Variants in NOL4L observed in about 807,000 individuals in gnomAD.
The protein encoded by NOL4L is nucleolar protein 4-like.
In NOL4L, 7 loss-of-function variants were observed where a neutral mutation model predicts 64.5. That is an observed-to-expected ratio of 0.11 (90% CI 0.06 to 0.20). The LOEUF is 0.20. Ranked by LOEUF, NOL4L falls within the 10% of genes least tolerant of loss-of-function variation. NOL4L has a pLI of 1.00. For synonymous variants in NOL4L, 413 were observed against 401.0 expected, an observed-to-expected ratio of 1.03 and a Z score of -0.36; for missense variants, 680 against 967.1, an observed-to-expected ratio of 0.70 and a Z score of 3.94.
At chr20:32,488,752 TTCCTTCCTTCCTTCCTTCCTTCC>T in intron 4 of NOL4L, among the ~76,000 whole-genome samples, 3 of 44,170 alleles carry the variant, frequency 6.8e-5, no homozygotes, top group African/African-American at 4.7e-4. Context: ...TTTCTTTTCC[TTCCTTCCTTCCTTCCTTCCTTCC>T]TTCCTTCCTT....
chr20:32,530,466 G>A (rs1014599621), intron 1 of NOL4L, among the ~76,000 whole-genome samples: 2 of 152,028 alleles, frequency 1.3e-5, no homozygotes, highest in Non-Finnish European at 2.9e-5. Context: ...GTGTGAACCC[G>A]GGAGGCAGAG....
At chr20:32,555,741 G>A (rs1353209261) in intron 1 of NOL4L, among the ~76,000 whole-genome samples, 1 of 152,116 alleles carries the variant, frequency 6.6e-6, no homozygotes, top group East Asian at 1.9e-4. Flanking sequence ...GGAGAGAAGT[G>A]ACTGTCCACA....
intron 6 of NOL4L, among the ~76,000 whole-genome samples, chr20:32,454,705 C>A (rs567457863): frequency 6.6e-6 from 1 of 152,234 alleles, no homozygotes; most frequent in African/African-American, 2.4e-5. Context: ...TCGTTCAGAT[C>A]GTGACTGACA....
intron 4 of NOL4L, among the ~76,000 whole-genome samples, chr20:32,502,841 C>G (rs1004201701): frequency 6.6e-6 from 1 of 152,062 alleles, no homozygotes; most frequent in African/African-American, 2.4e-5. Flanking sequence ...AACTTGAGAG[C>G]AGAGGTTGCA....
chr20:32,574,592 G>C (rs1979970743), intron 1 of NOL4L, among the ~76,000 whole-genome samples: 1 of 152,118 alleles, frequency 6.6e-6, no homozygotes, highest in Non-Finnish European at 1.5e-5. Flanking sequence ...GTCAGGGCCT[G>C]GCCTGCTGAA....
rs577505921 is a variant in NOL4L, at chr20:32,573,444, C to T, written c.321+11126G>A. ...CCAGTCTGAGCTCCAGAGACCCACT[C>T]GGTGGCACTGCTTCACCTGGCTTCA... On this transcript the variant is annotated intron_variant, in intron 1 of 10. Transcript: ENST00000621426. Among the ~76,000 whole-genome samples the T allele has an allele frequency of 3.3e-5, 5 of 152,198 alleles. No homozygotes were observed. In the South Asian group the frequency reaches 6.2e-4, roughly 19 times the overall value.
At chr20:32,578,498 G>T (rs1980270689) in intron 1 of NOL4L, among the ~76,000 whole-genome samples, 1 of 152,212 alleles carries the variant, frequency 6.6e-6, no homozygotes, top group Non-Finnish European at 1.5e-5. Context: ...TGATCCTCCT[G>T]CCTCAGCCTT....
intron 1 of NOL4L, among the ~76,000 whole-genome samples, chr20:32,536,831 G>T (rs1173578872): frequency 8.2e-6 from 1 of 121,250 alleles, no homozygotes; most frequent in Non-Finnish European, 1.8e-5. Context: ...CGGGGCGGGG[G>T]GGGGACACGC....
In NOL4L at chr20:32,445,887, TGGGG is replaced by T. The variant is rs1013882437; in HGVS notation, c.*1705_*1708del. 6.6e-6 allele frequency: 1 copy of T among 151,960 alleles called. No homozygotes were observed. Among genetic ancestry groups the T allele is most frequent in the African/African-American group, 2.4e-5 (1 of 41,298 alleles). The allele number at this position is 151,960 out of a possible 1,614,324, so 9.4% of individuals were successfully genotyped here. A position where few individuals can be genotyped will look rare whatever the true frequency, so the allele number is the denominator to read the frequency against. The stretch of plus-strand genomic sequence containing the variant: ...CACTGGTGCCCCCCCCATCCCTCCT[TGGGG>T]GGAGTCTGCCACAGTGCCGGGAGGC... On this transcript the variant is annotated 3_prime_UTR_variant, in exon 11 of 11. Coordinates refer to ENST00000621426, the MANE Select transcript of NOL4L (RefSeq NM_001256798.2).
rs141596773 is a variant in NOL4L at position 32,447,960 on chromosome 20, C to CTGA, written c.1823-147_1823-145dup. On this transcript the variant is annotated intron_variant, in intron 10 of 10. Transcript: ENST00000621426. ...AAGTCCGTGGCTCTGGTCCATCTCC[C>CTGA]TGATGGCTCTATCCCTAGTGCTTAG... is the stretch of plus-strand genomic sequence containing the variant. 3,245 of 1,088,302 alleles carry CTGA rather than the reference C, an allele frequency of 3.0e-3. 84 individuals carry two copies. In the African/African-American group the frequency reaches 0.047, roughly 16 times the overall value. 67.4% of individuals were successfully genotyped at this position (1,088,302 alleles called of 1,614,324 possible).
intron 4 of NOL4L, 111 bp downstream of exon 4, chr20:32,511,226 AGGGCCTCTTT>A: frequency 4.6e-6 from 3 of 647,798 alleles, no homozygotes; most frequent in Middle Eastern, 8.4e-4. Flanking sequence ...TAACCAGATA[AGGGCCTCTTT>A]GATTTCCCGT....
chr20:32,580,317 C>CTATACTGA (rs1286674266), intron 1 of NOL4L, among the ~76,000 whole-genome samples: 1 of 152,188 alleles, frequency 6.6e-6, no homozygotes, highest in Non-Finnish European at 1.5e-5. Flanking sequence ...GAAACAGCCG[C>CTATACTGA]TATACTGATA....
At chr20:32,481,212 G>A (rs778668478) in intron 4 of NOL4L, among the ~76,000 whole-genome samples, 1 of 152,196 alleles carries the variant, frequency 6.6e-6, no homozygotes, top group Admixed American at 6.5e-5. Context: ...ACAGGCTTTT[G>A]TTCCTAAGCA....
Position 32,447,569 on chromosome 20 carries a change from G to A in NOL4L, c.*27C>T, listed in dbSNP as rs779063979. On this transcript the variant is annotated 3_prime_UTR_variant, in exon 11 of 11. Coordinates refer to ENST00000621426, the MANE Select transcript of NOL4L (RefSeq NM_001256798.2). The stretch of plus-strand genomic sequence containing the variant: ...AGGCTGGGACAGCCTCCTTCCCTAG[G>A]GCAGTGCGCTCCAGGTGCCGGTGGG... 4 of 1,574,152 alleles carry A rather than the reference G, an allele frequency of 2.5e-6. No homozygotes were observed. The South Asian group carries it at 3.4e-5, about 14-fold the overall frequency.
chr20:32,468,755 C>T (rs1160718907), intron 5 of NOL4L, among the ~76,000 whole-genome samples: 1 of 151,914 alleles, frequency 6.6e-6, no homozygotes, highest in Admixed American at 6.6e-5. Flanking sequence ...AAAAATTAGC[C>T]AGGCGTGGTG....
At chr20:32,472,890 C>G (rs1159956130) in intron 5 of NOL4L, among the ~76,000 whole-genome samples, 1 of 152,228 alleles carries the variant, frequency 6.6e-6, no homozygotes, top group Non-Finnish European at 1.5e-5. Context: ...AGGCTGACCC[C>G]GCACTGGGCT....
At chr20:32,546,052 G>A (rs1011523844) in intron 1 of NOL4L, among the ~76,000 whole-genome samples, 2 of 151,092 alleles carry the variant, frequency 1.3e-5, no homozygotes, top group Non-Finnish European at 1.5e-5. Context: ...TGGTTCAGGC[G>A]ATTCTCCTGC....
At chr20:32,541,183 CT>C (rs1377169907) in intron 1 of NOL4L, among the ~76,000 whole-genome samples, 1 of 152,146 alleles carries the variant, frequency 6.6e-6, no homozygotes, top group Non-Finnish European at 1.5e-5. Flanking sequence ...GGGCACTGGA[CT>C]TTAAGGGCCA....
intron 1 of NOL4L, among the ~76,000 whole-genome samples, chr20:32,567,586 G>A (rs1454380015): frequency 2.0e-5 from 3 of 152,216 alleles, no homozygotes; most frequent in African/African-American, 7.2e-5. Flanking sequence ...GAAACTGCCT[G>A]CTGGAAGTGG....
Sources: allele counts gnomAD v4.1 joint callset (sites outside exome capture counted in the v4.1 genomes callset), GRCh38; gene constraint gnomAD v4.1.1; transcripts MANE v1.5; gene names NCBI Gene and HGNC (gene_info 2026-07-23, HGNC 2026-07-21).